The following BCKDHB variants were observed in gnomAD, a reference collection of about 807,000 sequenced individuals.
The protein encoded by BCKDHB is 2-oxoisovalerate dehydrogenase subunit beta, mitochondrial.
BCKDHB carries 41 observed loss-of-function variants against 48.5 expected under a neutral mutation model. The observed-to-expected ratio is 0.85, with a 90% CI of 0.66 to 1.10. The LOEUF (loss-of-function observed/expected upper bound fraction) is 1.10, where lower values mean the gene tolerates loss of function less well. Among genes scored for constraint, BCKDHB ranks in the 50% least tolerant of loss-of-function variants. The pLI, the probability that BCKDHB is intolerant of heterozygous loss-of-function variation, is 0.00. For synonymous variants in BCKDHB, 201 were observed against 174.8 expected (o/e 1.15, Z -1.18); for missense variants, 496 against 494.2 (o/e 1.00, Z -0.03).
chr6:80,292,426 T>C (rs1217013832), intron 9 of BCKDHB, among the ~76,000 whole-genome samples: 1 of 151,204 alleles, frequency 6.6e-6, no homozygotes. Flanking sequence ...AAACTCCTCT[T>C]TATAAAACCA....
intron 8 of BCKDHB, among the ~76,000 whole-genome samples, chr6:80,253,705 C>G (rs867659506): frequency 3.9e-5 from 6 of 152,204 alleles, no homozygotes; most frequent in Middle Eastern, 6.8e-3. Flanking sequence ...ATAGTAGTCA[C>G]AGGAGATCTT....
At chr6:80,302,133 C>T (rs1486170815) in intron 9 of BCKDHB, among the ~76,000 whole-genome samples, 4 of 152,140 alleles carry the variant, frequency 2.6e-5, no homozygotes, top group South Asian at 2.1e-4. Flanking sequence ...CAAGATAGTA[C>T]TGGAAGTCCT....
intron 9 of BCKDHB, among the ~76,000 whole-genome samples, chr6:80,282,533 T>C (rs1766384281): frequency 6.6e-6 from 1 of 152,154 alleles, no homozygotes; most frequent in Non-Finnish European, 1.5e-5. Flanking sequence ...TTTAATAAGT[T>C]ATGATTTGTC....
the BCKDHB span, among the ~76,000 whole-genome samples, chr6:80,367,550 C>T: frequency 6.6e-6 from 1 of 152,170 alleles, no homozygotes; most frequent in Admixed American, 6.6e-5. Flanking sequence ...TCATCATTTT[C>T]AGTATAAGTG....
chr6:80,106,754 G>T lies in BCKDHB; in HGVS notation c.61G>T (p.Gly21Trp). Residue 21 changes from glycine to tryptophan, a missense_variant, in exon 1 of 10, where the codon GGG (glycine) becomes TGG (tryptophan). Transcript: ENST00000320393. ...CAGGCTCAGGGCGGCAGGGGCTGAGGGGCACTGGCGTCGGCTTCCTGGCGC... is the reference window on the plus strand; with the variant it reads ...CAGGCTCAGGGCGGCAGGGGCTGAGTGGCACTGGCGTCGGCTTCCTGGCGC... ...LLRLRAAGAE[G>W]HWRRLPGAGL... The T allele has an allele frequency of 6.3e-7, 1 of 1,574,888 alleles. No individual in the cohort carries two copies. Among genetic ancestry groups the T allele is most frequent in the East Asian group, 2.4e-5 (1 of 42,480 alleles).
At chr6:80,289,062 T>A (rs901165483) in intron 9 of BCKDHB, among the ~76,000 whole-genome samples, 1 of 152,206 alleles carries the variant, frequency 6.6e-6, no homozygotes, top group Non-Finnish European at 1.5e-5. Context: ...ATAGATTTGC[T>A]AAGCCCTCAT....
At chr6:80,332,668 T>C (rs1004344482) in intron 9 of BCKDHB, among the ~76,000 whole-genome samples, 2 of 150,492 alleles carry the variant, frequency 1.3e-5, no homozygotes, top group Non-Finnish European at 2.9e-5. Flanking sequence ...GTTTAATTTA[T>C]TGATGAAGCA....
chr6:80,385,361 T>G, the BCKDHB span, among the ~76,000 whole-genome samples: 4 of 152,194 alleles, frequency 2.6e-5, no homozygotes, highest in Non-Finnish European at 4.4e-5. Context: ...TCACCAGGTG[T>G]CTACTGTTAA....
the BCKDHB span, among the ~76,000 whole-genome samples, chr6:80,360,891 G>T: frequency 6.0e-5 from 9 of 151,238 alleles, no homozygotes; most frequent in South Asian, 6.3e-4. Context: ...TGTAATCCCA[G>T]CTACTCAGGA....
chr6:80,286,442 A>G, intron 9 of BCKDHB, among the ~76,000 whole-genome samples: 1 of 152,218 alleles, frequency 6.6e-6, no homozygotes, highest in Non-Finnish European at 1.5e-5. Context: ...TGATGAAGAC[A>G]CATTTAGTTA....
the BCKDHB span, among the ~76,000 whole-genome samples, chr6:80,406,327 T>C: frequency 6.6e-6 from 1 of 152,226 alleles, no homozygotes; most frequent in Non-Finnish European, 1.5e-5. Flanking sequence ...TTATAATCCT[T>C]TGGGTATATA....
chr6:80,343,194 A>AAGTAACTGATAGAAGTTC (rs1400772601), intron 9 of BCKDHB, among the ~76,000 whole-genome samples: 1 of 152,260 alleles, frequency 6.6e-6, no homozygotes, highest in African/African-American at 2.4e-5. Context: ...GAACACAGTT[A>AAGTAACTGATAGAAGTTC]AGTAACTGAT....
Position 80,344,944 on chromosome 6 carries a change from A to G in BCKDHB, c.*1140A>G, listed in dbSNP as rs1325382232. ...TATTATCTGAAAAATGGATTTCTTG[A>G]GCAAAAGATCTGTTTATTGTATGTA... is the stretch of plus-strand genomic sequence containing the variant. On this transcript the variant is annotated 3_prime_UTR_variant, in exon 10 of 10. Coordinates refer to ENST00000320393, the MANE Select transcript of BCKDHB (RefSeq NM_183050.4). 1 of 152,142 alleles carries G rather than the reference A, an allele frequency of 6.6e-6. No individual in the cohort carries two copies. Among genetic ancestry groups the G allele is most frequent in the Non-Finnish European group, 1.5e-5 (1 of 68,020 alleles). The allele number at this position is 152,142 out of a possible 1,614,324, so 9.4% of individuals were successfully genotyped here.
At chr6:80,276,863 G>T (rs1259895727) in intron 9 of BCKDHB, among the ~76,000 whole-genome samples, 1 of 151,760 alleles carries the variant, frequency 6.6e-6, no homozygotes, top group Non-Finnish European at 1.5e-5. Context: ...AGAAATAAAT[G>T]ATTACAAAAA....
At chr6:80,257,774 A>T (rs1182169330) in intron 8 of BCKDHB, among the ~76,000 whole-genome samples, 1 of 152,072 alleles carries the variant, frequency 6.6e-6, no homozygotes, top group African/African-American at 2.4e-5. Context: ...CGGAGTCCAA[A>T]GGGCTGGAGC....
At chr6:80,188,534 G>A (rs1158963606) in intron 6 of BCKDHB, among the ~76,000 whole-genome samples, 2 of 152,036 alleles carry the variant, frequency 1.3e-5, no homozygotes, top group Non-Finnish European at 1.5e-5. Context: ...AGATTCTTGC[G>A]AGGTTGAGAT....
At chr6:80,317,708 A>G (rs763318599) in intron 9 of BCKDHB, among the ~76,000 whole-genome samples, 1 of 152,244 alleles carries the variant, frequency 6.6e-6, no homozygotes, top group Admixed American at 6.5e-5. Flanking sequence ...TTTGGGGACA[A>G]TTATTCTGCA....
the BCKDHB span, among the ~76,000 whole-genome samples, chr6:80,386,367 G>A: frequency 1.6e-4 from 24 of 152,064 alleles, no homozygotes; most frequent in Non-Finnish European, 2.8e-4. Context: ...ATATATCTTG[G>A]AATACTCTAC....
rs186084459 is a variant in BCKDHB, at chr6:80,189,510, T to C, written c.743-11424T>C. Among the ~76,000 whole-genome samples, 125 of 152,280 alleles carry C rather than the reference T, an allele frequency of 8.2e-4. 1 individual carries two copies. The East Asian group carries it at 0.02, about 24-fold the overall frequency. ...GAACACTTGACTAGCAGAAAGGGTG[T>C]TGAGCTTCCATTCTTACAGCTAGCT... is the stretch of plus-strand genomic sequence containing the variant. On this transcript the variant is annotated intron_variant, in intron 6 of 9. Coordinates refer to ENST00000320393, the MANE Select transcript of BCKDHB (RefSeq NM_183050.4).
Sources: gnomAD v4.1 joint callset for allele counts (sites outside exome capture counted in the v4.1 genomes callset) on GRCh38, gnomAD v4.1.1 for gene constraint, MANE v1.5 for transcripts, NCBI Gene and HGNC (gene_info 2026-07-23, HGNC 2026-07-21) for gene names.